GRIA4: variants seen among roughly 807,000 people sequenced by gnomAD.
GRIA4 encodes the protein glutamate receptor 4.
In GRIA4, 34 loss-of-function variants were observed where a neutral mutation model predicts 104.0. The ratio of observed to expected loss-of-function variants is 0.33; its 90% CI spans 0.25 to 0.44. The LOEUF is 0.44. Ranked by LOEUF, GRIA4 falls within the 20% of genes least tolerant of loss-of-function variation. The pLI, the probability that GRIA4 is intolerant of heterozygous loss-of-function variation, is 1.00. For synonymous variants in GRIA4, 386 were observed against 381.9 expected (o/e 1.01, Z -0.13); for missense variants, 750 against 1,096.5 (o/e 0.68, Z 4.46).
intron 4 of GRIA4, among the ~76,000 whole-genome samples, chr11:105,821,699 T>C (rs1001940517): frequency 4.6e-5 from 7 of 152,036 alleles, no homozygotes; most frequent in South Asian, 2.1e-4. Context: ...CAATTCAACG[T>C]GAGATTTGGG....
At chr11:105,734,105 T>C (rs953399780) in intron 3 of GRIA4, among the ~76,000 whole-genome samples, 1 of 149,078 alleles carries the variant, frequency 6.7e-6, no homozygotes, top group African/African-American at 2.5e-5. Flanking sequence ...ATAAAATATC[T>C]TGCCCATGGC....
Position 105,919,216 on chromosome 11 carries a change from C to T in GRIA4, c.1476+298C>T, listed in dbSNP as rs59121533. 7.7e-3 allele frequency among the ~76,000 whole-genome samples: 1,175 copies of T among 151,904 alleles called. 25 individuals are homozygous for T. Among genetic ancestry groups the T allele is most frequent in the African/African-American group, 0.026 (1,095 of 41,426 alleles). Reference sequence around the variant, plus strand: ...GACTATTCTTTTAAGTTTGATGCTGCCATGTATAGAACTACAAAACAAATA... The same window carrying T: ...GACTATTCTTTTAAGTTTGATGCTGTCATGTATAGAACTACAAAACAAATA... On this transcript the variant is annotated intron_variant, in intron 11 of 16. Coordinates refer to ENST00000282499, the MANE Select transcript of GRIA4 (RefSeq NM_000829.4).
intron 3 of GRIA4, among the ~76,000 whole-genome samples, chr11:105,750,172 A>G (rs1055833664): frequency 6.6e-6 from 1 of 152,158 alleles, no homozygotes; most frequent in Non-Finnish European, 1.5e-5. Flanking sequence ...AATACTATAT[A>G]TGGAAATAAC....
chr11:105,717,708 T>G (rs867728112), intron 3 of GRIA4, among the ~76,000 whole-genome samples: 16 of 152,144 alleles, frequency 1.1e-4, no homozygotes, highest in Middle Eastern at 3.4e-3. Flanking sequence ...CTTTTTTCTT[T>G]TTTTTTATTT....
At chr11:105,654,355 G>GA (rs920132218) in intron 3 of GRIA4, among the ~76,000 whole-genome samples, 73 of 138,192 alleles carry the variant, frequency 5.3e-4, no homozygotes, top group Admixed American at 1.3e-3. Context: ...TGCCCCCACT[G>GA]AAAAAAAAAA....
At chr11:105,818,014 A>C (rs958621065) in intron 4 of GRIA4, among the ~76,000 whole-genome samples, 43 of 152,170 alleles carry the variant, frequency 2.8e-4, no homozygotes, top group African/African-American at 9.9e-4. Flanking sequence ...GTAAGAAGAA[A>C]AATAAATGGA....
intron 4 of GRIA4, among the ~76,000 whole-genome samples, chr11:105,851,323 A>G (rs1944800659): frequency 6.6e-6 from 1 of 152,202 alleles, no homozygotes; most frequent in African/African-American, 2.4e-5. Flanking sequence ...TCTCATACTT[A>G]AAGGGAAGTA....
chr11:105,950,394 C>T (rs1948428716), intron 14 of GRIA4, among the ~76,000 whole-genome samples: 1 of 151,952 alleles, frequency 6.6e-6, no homozygotes, highest in Non-Finnish European at 1.5e-5. Context: ...TGTGGTTGGG[C>T]CTTGTTATTT....
At chr11:105,696,063 C>T (rs982811487) in intron 3 of GRIA4, among the ~76,000 whole-genome samples, 1 of 152,304 alleles carries the variant, frequency 6.6e-6, no homozygotes, top group South Asian at 2.1e-4. Context: ...AAGGCATCAA[C>T]CTCTCTTTTA....
intron 3 of GRIA4, among the ~76,000 whole-genome samples, chr11:105,723,092 G>A (rs1591140994): frequency 6.6e-6 from 1 of 152,046 alleles, no homozygotes; most frequent in African/African-American, 2.4e-5. Flanking sequence ...TGAAGAAGTA[G>A]ACCGCTGGCT....
chr11:105,689,695 T>C (rs764485019), intron 3 of GRIA4, among the ~76,000 whole-genome samples: 3 of 152,200 alleles, frequency 2.0e-5, no homozygotes, highest in Non-Finnish European at 2.9e-5. Context: ...ACAGGACATT[T>C]AGCTTTCTGA....
At chr11:105,896,195 T>C (rs757565479) in intron 6 of GRIA4, among the ~76,000 whole-genome samples, 3 of 152,212 alleles carry the variant, frequency 2.0e-5, no homozygotes, top group Non-Finnish European at 4.4e-5. Context: ...TGAACATTTT[T>C]TCACATGTTT....
chr11:105,729,226 C>A (rs959525476), intron 3 of GRIA4, among the ~76,000 whole-genome samples: 1 of 152,046 alleles, frequency 6.6e-6, no homozygotes, highest in East Asian at 1.9e-4. Flanking sequence ...TATAAACACA[C>A]CTATGCAAAT....
intron 4 of GRIA4, among the ~76,000 whole-genome samples, chr11:105,796,956 G>A (rs185946128): frequency 8.5e-5 from 13 of 152,212 alleles, no homozygotes; most frequent in East Asian, 1.9e-4. Context: ...CGCTGGCCAG[G>A]CATGGTGGCT....
intron 4 of GRIA4, among the ~76,000 whole-genome samples, chr11:105,822,812 T>C (rs1319767473): frequency 6.6e-6 from 1 of 152,102 alleles, no homozygotes; most frequent in African/African-American, 2.4e-5. Flanking sequence ...ATAATAAAAA[T>C]TGATTTTCTT....
At chr11:105,773,395 CT>C (rs988000733) in intron 4 of GRIA4, among the ~76,000 whole-genome samples, 2 of 152,000 alleles carry the variant, frequency 1.3e-5, no homozygotes, top group African/African-American at 4.8e-5. Flanking sequence ...AATGAACTGG[CT>C]TTATAATAAC....
At chr11:105,623,053 G>GTA (rs58596312) in intron 3 of GRIA4, among the ~76,000 whole-genome samples, 1,929 of 127,282 alleles carry the variant, frequency 0.015, 25 homozygotes, top group Non-Finnish European at 0.022. Flanking sequence ...GTATTCCATT[G>GTA]TATATATATA....
At chr11:105,867,672 T>G (rs968603056) in intron 5 of GRIA4, among the ~76,000 whole-genome samples, 1 of 151,952 alleles carries the variant, frequency 6.6e-6, no homozygotes, top group African/African-American at 2.4e-5. Context: ...CAATTTTTTG[T>G]ACCAAAGCCA....
At chr11:105,846,219 T>C (rs1439562554) in intron 4 of GRIA4, among the ~76,000 whole-genome samples, 1 of 152,152 alleles carries the variant, frequency 6.6e-6, no homozygotes, top group East Asian at 1.9e-4. Context: ...ATTCTAAAAA[T>C]TAGAAAACTA....
Sources: gnomAD v4.1 joint callset for allele counts (sites outside exome capture counted in the v4.1 genomes callset) on GRCh38, gnomAD v4.1.1 for gene constraint, MANE v1.5 for transcripts, NCBI Gene and HGNC (gene_info 2026-07-23, HGNC 2026-07-21) for gene names.